Variants in LAMA2 observed in about 807,000 individuals in gnomAD.
LAMA2 encodes the protein laminin subunit alpha 2.
A neutral mutation model predicts 364.8 loss-of-function variants in LAMA2; 269 were observed. That is an observed-to-expected ratio of 0.74 (90% CI 0.67 to 0.82). LAMA2 has a LOEUF of 0.82. LAMA2 is among the 40% of genes least tolerant of loss of function. LAMA2 has a pLI of 0.00. For missense variants in LAMA2, 3,807 were observed against 3,873.2 expected, an observed-to-expected ratio of 0.98 and a Z score of 0.45; for synonymous variants, 1,379 against 1,370.6, an observed-to-expected ratio of 1.01 and a Z score of -0.14.
intron 29 of LAMA2, among the ~76,000 whole-genome samples, chr6:129,334,718 A>G (rs980199106): frequency 2.0e-5 from 3 of 152,198 alleles, no homozygotes; most frequent in Admixed American, 6.5e-5. Context: ...TCAAGTCTCC[A>G]GCAAAGTCAG....
At chr6:128,937,470 A>G (rs1310022489) in intron 1 of LAMA2, among the ~76,000 whole-genome samples, 1 of 151,914 alleles carries the variant, frequency 6.6e-6, no homozygotes, top group Non-Finnish European at 1.5e-5. Context: ...CTTACTCATT[A>G]TCAGGTACTC....
chr6:128,978,289 A>T (rs796212869), intron 1 of LAMA2, among the ~76,000 whole-genome samples: 46 of 150,898 alleles, frequency 3.0e-4, no homozygotes, highest in African/African-American at 8.0e-4. Context: ...CCTTTCAGAA[A>T]TTTTTTTTTC....
intron 40 of LAMA2, among the ~76,000 whole-genome samples, chr6:129,418,437 T>C (rs893347273): frequency 6.6e-6 from 1 of 152,020 alleles, no homozygotes; most frequent in African/African-American, 2.4e-5. Context: ...ATGGCTATGA[T>C]AGTCCAGATT....
intron 1 of LAMA2, among the ~76,000 whole-genome samples, chr6:128,955,694 A>G (rs946075521): frequency 7.2e-5 from 11 of 151,990 alleles, no homozygotes; most frequent in Admixed American, 3.3e-4. Flanking sequence ...AAGTCAATCT[A>G]TCATTGGTCA....
In LAMA2 at chr6:129,232,335, G is replaced by A. The variant is rs186105603; in HGVS notation, c.1783-17777G>A. ...TAGAAAGGTATATATTCTTATTATA[G>A]CAGTGTCTGCCAGGGCTGCAGTCCT... On this transcript the variant is annotated intron_variant, in intron 12 of 64. Transcript: ENST00000421865. Among the ~76,000 whole-genome samples the A allele has an allele frequency of 3.8e-3, 579 of 152,126 alleles. 5 individuals carry two copies. Among genetic ancestry groups the A allele is most frequent in the Middle Eastern group, 6.8e-3 (2 of 294 alleles).
At chr6:129,350,264 CTT>C (rs1469926566) in intron 31 of LAMA2, among the ~76,000 whole-genome samples, 1 of 152,194 alleles carries the variant, frequency 6.6e-6, no homozygotes, top group Non-Finnish European at 1.5e-5. Context: ...GATCCATAGA[CTT>C]CGCTCAATTC....
chr6:128,987,026 A>C (rs1472128442), intron 1 of LAMA2, among the ~76,000 whole-genome samples: 1 of 151,938 alleles, frequency 6.6e-6, no homozygotes, highest in Non-Finnish European at 1.5e-5. Context: ...AGTCCGCTTA[A>C]GAATATTTTT....
Position 129,129,932 on chromosome 6 carries a change from A to AAAC in LAMA2, c.640-13967_640-13966insCAA, listed in dbSNP as rs1477511506. 4.0e-5 allele frequency among the ~76,000 whole-genome samples: 6 copies of AAAC among 151,894 alleles called. No individual in the cohort carries two copies. The East Asian group carries it at 1.2e-3, about 29-fold the overall frequency. ...GAGCGAGATTCCGTCTCAAAAAAAA[A>AAAC]AAAAAAAAAAATAACATATTTTAGA... On this transcript the variant is annotated intron_variant, in intron 4 of 64. Coordinates refer to ENST00000421865, the MANE Select transcript of LAMA2 (RefSeq NM_000426.4).
intron 40 of LAMA2, among the ~76,000 whole-genome samples, chr6:129,414,758 A>G (rs912151860): frequency 6.6e-6 from 1 of 152,186 alleles, no homozygotes; most frequent in Non-Finnish European, 1.5e-5. Context: ...TTTCTTTTAA[A>G]TGATCAGAGG....
At chr6:129,309,337 C>T (rs1245926806) in intron 22 of LAMA2, among the ~76,000 whole-genome samples, 1 of 152,182 alleles carries the variant, frequency 6.6e-6, no homozygotes, top group Non-Finnish European at 1.5e-5. Flanking sequence ...TATCTAAACA[C>T]ATGGTTAATG....
intron 1 of LAMA2, among the ~76,000 whole-genome samples, chr6:129,033,745 G>A (rs115316058): frequency 2.1e-3 from 319 of 152,200 alleles, no homozygotes; most frequent in African/African-American, 7.1e-3. Flanking sequence ...ACAGAAGAGA[G>A]CAGATACTGA....
chr6:129,051,718 A>G (rs1322021049), intron 2 of LAMA2, among the ~76,000 whole-genome samples: 1 of 143,676 alleles, frequency 7.0e-6, no homozygotes, highest in Non-Finnish European at 1.5e-5. Context: ...ATCTATATCT[A>G]TAGATAGATA....
chr6:129,440,753 CA>C, intron 42 of LAMA2, 62 bp from the exon 43 acceptor site: 1 of 1,406,706 alleles, frequency 7.1e-7, no homozygotes, highest in South Asian at 1.2e-5. Context: ...CTTTGTCAAG[CA>C]TGGATTAAGC....
chr6:129,351,834 A>G (rs1229219669), intron 31 of LAMA2, among the ~76,000 whole-genome samples: 1 of 152,178 alleles, frequency 6.6e-6, no homozygotes, highest in Non-Finnish European at 1.5e-5. Flanking sequence ...TACTTTCAGT[A>G]TTTGTACTCT....
chr6:128,983,376 T>G (rs1783017702), intron 1 of LAMA2, among the ~76,000 whole-genome samples: 1 of 152,286 alleles, frequency 6.6e-6, no homozygotes, highest in African/African-American at 2.4e-5. Context: ...ATGGTGAGCA[T>G]TTTTTCATGT....
chr6:129,492,145 G>T lies in LAMA2; in HGVS notation c.8075+68G>T, dbSNP rs73776185. 1.7e-3 allele frequency: 2,417 copies of T among 1,461,306 alleles called. 39 individuals are homozygous for T. The African/African-American group carries it at 0.03, about 18-fold the overall frequency. The allele number at this position is 1,461,306 out of a possible 1,614,324, so 90.5% of individuals were successfully genotyped here. The stretch of plus-strand genomic sequence containing the variant: ...ATTTCTTGCTATTAGGGGTCCCAAT[G>T]CATCTACATTGTCTACAGCTATGCA... On this transcript the variant is annotated intron_variant, in intron 57 of 64. Transcript: ENST00000421865.
At chr6:129,261,586 G>A (rs1787139853) in intron 15 of LAMA2, among the ~76,000 whole-genome samples, 2 of 152,078 alleles carry the variant, frequency 1.3e-5, no homozygotes, top group South Asian at 2.1e-4. Flanking sequence ...AGATAAATAG[G>A]AGCTTAGTTT....
In LAMA2 at chr6:129,062,374, T is replaced by C. The variant is rs537276465; in HGVS notation, c.396+2478T>C. Among the ~76,000 whole-genome samples, 3 of 152,270 alleles carry C rather than the reference T, an allele frequency of 2.0e-5. No individual in the cohort carries two copies. In the South Asian group the frequency reaches 6.2e-4, roughly 32 times the overall value. On this transcript the variant is annotated intron_variant, in intron 3 of 64. Coordinates refer to ENST00000421865, the MANE Select transcript of LAMA2 (RefSeq NM_000426.4). ...TGAATAGTCTGAATCCAGACCCAAATACACTATCTTTTCTAATGGGTATCT... is the reference window on the plus strand; with the variant it reads ...TGAATAGTCTGAATCCAGACCCAAACACACTATCTTTTCTAATGGGTATCT...
intron 29 of LAMA2, among the ~76,000 whole-genome samples, chr6:129,333,988 C>A (rs936603619): frequency 1.9e-4 from 29 of 152,164 alleles, no homozygotes; most frequent in Non-Finnish European, 1.5e-4. Context: ...TAAACAAACA[C>A]AGCTGGTATA....
Sources: allele counts gnomAD v4.1 joint callset (sites outside exome capture counted in the v4.1 genomes callset), GRCh38; gene constraint gnomAD v4.1.1; transcripts MANE v1.5; gene names NCBI Gene and HGNC (gene_info 2026-07-23, HGNC 2026-07-21).